ATAD2B: variants seen among roughly 807,000 people sequenced by gnomAD.
The protein encoded by ATAD2B is ATPase family AAA domain-containing protein 2B.
Under a neutral mutation model 167.6 loss-of-function variants are expected in ATAD2B, and 40 were observed. The ratio of observed to expected loss-of-function variants is 0.24; its 90% CI spans 0.19 to 0.31. The LOEUF is 0.31. Among genes scored for constraint, ATAD2B ranks in the 10% least tolerant of loss-of-function variants. The pLI, the probability that ATAD2B is intolerant of heterozygous loss-of-function variation, is 1.00. For missense variants in ATAD2B, 1,242 were observed against 1,757.2 expected (o/e 0.71, Z 5.24); for synonymous variants, 579 against 596.5 (o/e 0.97, Z 0.43).
chr2:23,796,208 A>G (rs1020548862), intron 19 of ATAD2B, among the ~76,000 whole-genome samples: 4 of 152,368 alleles, frequency 2.6e-5, no homozygotes, highest in African/African-American at 9.6e-5. Context: ...GATATCCACG[A>G]TAGCTTTAAA....
At chr2:23,786,527 C>G (rs557058415) in intron 20 of ATAD2B, among the ~76,000 whole-genome samples, 2 of 152,138 alleles carry the variant, frequency 1.3e-5, no homozygotes, top group South Asian at 4.1e-4. Context: ...CTGTAGGCAA[C>G]TGTAGCACAG....
chr2:23,836,221 C>T lies in ATAD2B; in HGVS notation c.1569-2143G>A, dbSNP rs545494626. Among the ~76,000 whole-genome samples the T allele has an allele frequency of 1.1e-4, 16 of 152,284 alleles. No individual in the cohort carries two copies. In the South Asian group the frequency reaches 1.7e-3, roughly 16 times the overall value. On this transcript the variant is annotated intron_variant, in intron 13 of 27. Coordinates refer to ENST00000238789, the MANE Select transcript of ATAD2B (RefSeq NM_017552.4). ...CAGTCTGGCATGCCGGCTGCTGCAC[C>T]GGGGCGGGCAGCTCCAGGTGTTGGC...
intron 25 of ATAD2B, 23 bp downstream of exon 25, chr2:23,757,395 G>A (rs1390650289): frequency 6.9e-7 from 1 of 1,457,602 alleles, no homozygotes; most frequent in East Asian, 2.5e-5. Flanking sequence ...ACCTTCAGAA[G>A]ATTTTTCAAA....
intron 20 of ATAD2B, 53 bp from the exon 21 acceptor site, chr2:23,786,276 T>C: frequency 1.5e-6 from 2 of 1,355,270 alleles, no homozygotes; most frequent in Non-Finnish European, 1.0e-6. Context: ...GCCAGGACCC[T>C]TTTTTGGCAT....
chr2:23,825,466 CTCGT>C (rs1688109596), intron 15 of ATAD2B, among the ~76,000 whole-genome samples: 1 of 152,080 alleles, frequency 6.6e-6, no homozygotes, highest in East Asian at 1.9e-4. Flanking sequence ...CCACTAGTGT[CTCGT>C]TTTATTTTCT....
intron 13 of ATAD2B, among the ~76,000 whole-genome samples, chr2:23,851,957 G>A (rs953299524): frequency 2.7e-5 from 4 of 150,938 alleles, no homozygotes; most frequent in African/African-American, 4.9e-5. Flanking sequence ...TATCACCATC[G>A]GAAATGAAAA....
At position 23,782,895 on chromosome 2, in the gene ATAD2B, T is replaced by G; in HGVS notation, c.3107A>C (p.Glu1036Ala). ...TCCTGGGTCCTTATCTGGATTATAC[T>G]CTAAAGCATTGCTACAGATGAGGTC... ...DIDLICSNAL[E>A]YNPDKDPGDK... Residue 1036 changes from glutamate to alanine, a missense_variant, in exon 22 of 28, where the codon GAG (glutamate) becomes GCG (alanine). Physicochemically the swap from Glu to Ala is moderately radical, Grantham distance 107. Transcript: ENST00000238789. 1.9e-6 allele frequency: 3 copies of G among 1,612,376 alleles called. No individual in the cohort carries two copies. Among genetic ancestry groups the G allele is most frequent in the Non-Finnish European group, 1.7e-6 (2 of 1,179,026 alleles).
At chr2:23,811,864 A>T (rs1685648972) in intron 17 of ATAD2B, among the ~76,000 whole-genome samples, 1 of 152,036 alleles carries the variant, frequency 6.6e-6, no homozygotes, top group Non-Finnish European at 1.5e-5. Context: ...AAATATATAT[A>T]TATATACATA....
At chr2:23,721,679 C>T in the ATAD2B span, among the ~76,000 whole-genome samples, 1 of 152,202 alleles carries the variant, frequency 6.6e-6, no homozygotes, top group Admixed American at 6.5e-5. Flanking sequence ...GCCAACCAAG[C>T]AGCTGTATGC....
chr2:23,795,564 T>C (rs1322751569), intron 19 of ATAD2B, among the ~76,000 whole-genome samples: 1 of 152,126 alleles, frequency 6.6e-6, no homozygotes, highest in Admixed American at 6.6e-5. Context: ...TATTAGAGAT[T>C]ACTATCTTAG....
the ATAD2B span, chr2:23,707,239 G>T: frequency 6.6e-6 from 1 of 152,290 alleles, no homozygotes; most frequent in African/African-American, 2.4e-5. Context: ...GCCAGGGGTG[G>T]CAGCTGTGGG....
intron 13 of ATAD2B, among the ~76,000 whole-genome samples, chr2:23,836,524 G>A (rs533425695): frequency 3.9e-5 from 6 of 152,268 alleles, no homozygotes; most frequent in South Asian, 4.1e-4. Flanking sequence ...GACAGGTCCC[G>A]AGTTCTTGTC....
the ATAD2B span, among the ~76,000 whole-genome samples, chr2:23,713,830 A>G: frequency 1.3e-5 from 2 of 152,210 alleles, no homozygotes; most frequent in African/African-American, 4.8e-5. Context: ...TTGTTTATCC[A>G]TTCATTAGTT....
At chr2:23,698,619 A>AGAT in the ATAD2B span, among the ~76,000 whole-genome samples, 2 of 152,258 alleles carry the variant, frequency 1.3e-5, no homozygotes, top group African/African-American at 4.8e-5. Flanking sequence ...ATATAATTAT[A>AGAT]GATTAAGACA....
intron 1 of ATAD2B, among the ~76,000 whole-genome samples, chr2:23,904,938 A>G (rs1456855083): frequency 6.6e-6 from 1 of 152,184 alleles, no homozygotes; most frequent in Admixed American, 6.5e-5. Context: ...ACTATTCTAC[A>G]AAGTCCTGAA....
intron 14 of ATAD2B, among the ~76,000 whole-genome samples, chr2:23,829,530 C>T (rs550610807): frequency 1.3e-5 from 2 of 152,198 alleles, no homozygotes; most frequent in East Asian, 1.9e-4. Flanking sequence ...GTAGGAGGAT[C>T]GTTTATGTCC....
At chr2:23,727,091 AAATAT>A in the ATAD2B span, among the ~76,000 whole-genome samples, 1 of 152,164 alleles carries the variant, frequency 6.6e-6, no homozygotes, top group Non-Finnish European at 1.5e-5. Flanking sequence ...AATCTACTTG[AAATAT>A]AATAATATAT....
intron 19 of ATAD2B, among the ~76,000 whole-genome samples, chr2:23,796,770 G>A (rs1234182940): frequency 6.6e-6 from 1 of 152,068 alleles, no homozygotes; most frequent in African/African-American, 2.4e-5. Flanking sequence ...ACATTTAATA[G>A]CTCCATGGTT....
intron 1 of ATAD2B, among the ~76,000 whole-genome samples, chr2:23,898,714 T>C (rs1019203329): frequency 3.9e-5 from 6 of 152,178 alleles, no homozygotes; most frequent in Admixed American, 2.0e-4. Flanking sequence ...CATATAGAAA[T>C]ATCTGTGACC....
Sources: allele counts gnomAD v4.1 joint callset (sites outside exome capture counted in the v4.1 genomes callset), GRCh38; gene constraint gnomAD v4.1.1; transcripts MANE v1.5; gene names NCBI Gene and HGNC (gene_info 2026-07-23, HGNC 2026-07-21).